The following KANK4 variants were observed in gnomAD, a reference collection of about 807,000 sequenced individuals.
KANK4 encodes KN motif and ankyrin repeat domains 4.
Under a neutral mutation model 80.8 loss-of-function variants are expected in KANK4, and 50 were observed. The observed-to-expected ratio is 0.62, with a 90% CI of 0.49 to 0.78. KANK4 has a LOEUF of 0.78. Ranked by LOEUF, KANK4 falls within the 30% of genes least tolerant of loss-of-function variation. The probability of loss-of-function intolerance (pLI) is 0.00; values close to 1 mark genes in which losing one functional copy is unlikely to be tolerated. For synonymous variants in KANK4, 465 were observed against 506.9 expected (o/e 0.92, Z 1.11); for missense variants, 1,196 against 1,240.1 (o/e 0.96, Z 0.53).
intron 1 of KANK4, among the ~76,000 whole-genome samples, chr1:62,292,981 T>C (rs1435228160): frequency 6.6e-6 from 1 of 152,144 alleles, no homozygotes; most frequent in African/African-American, 2.4e-5. Context: ...AATCAAGCCT[T>C]CTTCTTCTGG....
At chr1:62,242,005 C>T (rs1671352813) in intron 9 of KANK4, among the ~76,000 whole-genome samples, 1 of 152,138 alleles carries the variant, frequency 6.6e-6, no homozygotes, top group African/African-American at 2.4e-5. Context: ...AGAGAGACCA[C>T]TTGGCGAGGG....
intron 7 of KANK4, among the ~76,000 whole-genome samples, chr1:62,258,065 CA>C (rs1308745374): frequency 6.6e-6 from 1 of 152,192 alleles, no homozygotes; most frequent in Non-Finnish European, 1.5e-5. Flanking sequence ...AGAAAAAGCC[CA>C]GATTAAGAGA....
intron 1 of KANK4, among the ~76,000 whole-genome samples, chr1:62,289,728 T>A (rs1225128653): frequency 5.3e-5 from 8 of 152,136 alleles, no homozygotes; most frequent in Non-Finnish European, 1.0e-4. Flanking sequence ...AAATAAAAAA[T>A]AAATTATTTG....
chr1:62,263,091 C>A lies in KANK4; in HGVS notation c.2539+1G>T. 6.2e-7 allele frequency: 1 copy of A among 1,608,592 alleles called. No individual in the cohort carries two copies. Among genetic ancestry groups the A allele is most frequent in the Non-Finnish European group, 8.5e-7 (1 of 1,175,870 alleles). ...ACTGTATGAATGCAACCACTTCTGA[C>A]CTGTCTCCAGCAGCAGCTTCACGAT... On this transcript the variant is annotated splice_donor_variant, in intron 7 of 9. Transcript: ENST00000371153. LOFTEE classifies it high-confidence loss of function.
chr1:62,247,614 G>A lies in KANK4; in HGVS notation c.2741C>T (p.Ala914Val), dbSNP rs762022520. ...VSHDREDMVQ[A>V]LLSCQADVNL... ...GACATCTGCCTGGCAGCTAAGCAGC[G>A]CTTGAACCATGTCCTCCCTGTCGTG... Residue 914 changes from alanine (A) to valine (V), a missense_variant, in exon 9 of 10, where the codon GCG (alanine) becomes GTG (valine). Transcript: ENST00000371153. 1.7e-5 allele frequency: 28 copies of A among 1,613,910 alleles called. No individual in the cohort carries two copies. In the Admixed American group the frequency reaches 3.3e-4, roughly 19 times the overall value.
At chr1:62,261,284 G>C (rs1486805325) in intron 7 of KANK4, among the ~76,000 whole-genome samples, 1 of 150,636 alleles carries the variant, frequency 6.6e-6, no homozygotes, top group Non-Finnish European at 1.5e-5. Flanking sequence ...TCAGCCTCCT[G>C]AGTAGCTAGG....
Position 62,247,684 on chromosome 1 carries a change from G to C in KANK4, c.2683-12C>G. On this transcript the variant is annotated splice_polypyrimidine_tract_variant and intron_variant, in intron 8 of 9. Transcript: ENST00000371153. ...GCAGTCTGGCCTCCCTGCATGCAGAGCCACAGGGATGTGGTGAGGTTGCTG... is the reference window on the plus strand; with the variant it reads ...GCAGTCTGGCCTCCCTGCATGCAGACCCACAGGGATGTGGTGAGGTTGCTG... 1 of 1,611,638 alleles carries C rather than the reference G, an allele frequency of 6.2e-7. No individual in the cohort carries two copies. Among genetic ancestry groups the C allele is most frequent in the South Asian group, 1.1e-5 (1 of 91,034 alleles).
chr1:62,302,898 G>T (rs1262216261), intron 1 of KANK4, among the ~76,000 whole-genome samples: 2 of 152,252 alleles, frequency 1.3e-5, no homozygotes, highest in East Asian at 3.9e-4. Context: ...TCTGGCTTAA[G>T]AGTTCATGGC....
chr1:62,299,041 T>C (rs1406869008), intron 1 of KANK4, among the ~76,000 whole-genome samples: 2 of 151,744 alleles, frequency 1.3e-5, no homozygotes, highest in Non-Finnish European at 2.9e-5. Flanking sequence ...TGAATTTAGG[T>C]GTTCCTGCCC....
intron 9 of KANK4, among the ~76,000 whole-genome samples, chr1:62,238,701 C>T (rs1372094561): frequency 1.3e-5 from 2 of 150,526 alleles, no homozygotes; most frequent in African/African-American, 4.9e-5. Context: ...GCAATCGGAG[C>T]TCACTGCAAC....
intron 7 of KANK4, among the ~76,000 whole-genome samples, chr1:62,254,625 C>G (rs547333306): frequency 6.6e-6 from 1 of 151,798 alleles, no homozygotes; most frequent in Admixed American, 6.6e-5. Flanking sequence ...ATGATCTCGG[C>G]TCACTGCAAC....
At chr1:62,253,580 T>G (rs557707483) in intron 7 of KANK4, among the ~76,000 whole-genome samples, 1 of 151,930 alleles carries the variant, frequency 6.6e-6, no homozygotes, top group African/African-American at 2.4e-5. Context: ...TGGCTAATTT[T>G]TTTTTGTATT....
chr1:62,299,767 C>A (rs1048977621), intron 1 of KANK4, among the ~76,000 whole-genome samples: 9 of 152,232 alleles, frequency 5.9e-5, no homozygotes, highest in African/African-American at 2.2e-4. Flanking sequence ...TTGAGGGTAG[C>A]AAATGATTTG....
chr1:62,286,041 T>C (rs1672557123), intron 1 of KANK4, among the ~76,000 whole-genome samples: 2 of 152,226 alleles, frequency 1.3e-5, no homozygotes, highest in Non-Finnish European at 2.9e-5. Context: ...CAAACAGAGA[T>C]GAGTCCTGCT....
chr1:62,315,836 C>A (rs559942595), intron 1 of KANK4, among the ~76,000 whole-genome samples: 1 of 152,328 alleles, frequency 6.6e-6, no homozygotes, highest in African/African-American at 2.4e-5. Context: ...GCAGGTTGAA[C>A]TAGGAGTAAA....
intron 7 of KANK4, among the ~76,000 whole-genome samples, chr1:62,255,123 G>T (rs1671721386): frequency 6.6e-6 from 1 of 151,346 alleles, no homozygotes; most frequent in Non-Finnish European, 1.5e-5. Flanking sequence ...CTGACCTCAT[G>T]ATCCACCCAC....
At chr1:62,273,061 G>T in intron 3 of KANK4, 143 bp downstream of exon 3, 1 of 524,660 alleles carries the variant, frequency 1.9e-6, no homozygotes, top group South Asian at 6.4e-5. Context: ...AAAGTGCTGG[G>T]ATTACAGGCC....
intron 1 of KANK4, among the ~76,000 whole-genome samples, chr1:62,302,414 C>T (rs1461764820): frequency 2.6e-5 from 4 of 152,020 alleles, no homozygotes; most frequent in Non-Finnish European, 2.9e-5. Flanking sequence ...TTACCACTAC[C>T]TTAGGAGCTA....
rs1241816384 is a variant in KANK4, at chr1:62,237,040, T to C, written c.*1237A>G. On this transcript the variant is annotated 3_prime_UTR_variant, in exon 10 of 10. Coordinates refer to ENST00000371153, the MANE Select transcript of KANK4 (RefSeq NM_181712.5). ...ACTCACCACAGGGGCACCCAGCAAA[T>C]TGGCATCTGAGCCAAAATGAGAGTG... 6.6e-6 allele frequency: 1 copy of C among 152,014 alleles called. No homozygotes were observed. Among genetic ancestry groups the C allele is most frequent in the Non-Finnish European group, 1.5e-5 (1 of 68,026 alleles). 9.4% of individuals were successfully genotyped at this position (152,014 alleles called of 1,614,324 possible).
Sources: allele counts gnomAD v4.1 joint callset (sites outside exome capture counted in the v4.1 genomes callset), GRCh38; gene constraint gnomAD v4.1.1; transcripts MANE v1.5; gene names NCBI Gene and HGNC (gene_info 2026-07-23, HGNC 2026-07-21).